The following SUPT3H variants were observed in gnomAD, a reference collection of about 807,000 sequenced individuals.
SUPT3H encodes the protein transcription initiation protein SPT3 homolog.
In SUPT3H, 44 loss-of-function variants were observed where a neutral mutation model predicts 44.3. The observed-to-expected ratio is 0.99, with a 90% CI of 0.78 to 1.28. The LOEUF (loss-of-function observed/expected upper bound fraction) is 1.28, where lower values mean the gene tolerates loss of function less well. Among genes scored for constraint, SUPT3H ranks in the 50% most tolerant of loss-of-function variants. SUPT3H has a pLI of 0.00. For missense variants in SUPT3H, 380 were observed against 387.1 expected, an observed-to-expected ratio of 0.98 and a Z score of 0.15; for synonymous variants, 124 against 125.6, an observed-to-expected ratio of 0.99 and a Z score of 0.09.
intron 2 of SUPT3H, among the ~76,000 whole-genome samples, chr6:45,334,361 C>T: frequency 6.7e-6 from 1 of 149,306 alleles, no homozygotes. Flanking sequence ...TTGTAGGTTC[C>T]CCTAAATTAC....
chr6:44,959,073 A>C (rs12191977), intron 7 of SUPT3H, among the ~76,000 whole-genome samples: 30,441 of 151,802 alleles, frequency 0.2, 3,838 homozygotes, highest in Non-Finnish European at 0.29. Context: ...TATTTTTAGT[A>C]GAGACAGGGT....
chr6:45,210,804 A>G (rs573255977), intron 2 of SUPT3H, among the ~76,000 whole-genome samples: 2 of 152,354 alleles, frequency 1.3e-5, no homozygotes, highest in East Asian at 3.9e-4. Context: ...CAATCAAAAA[A>G]TTCATGAGAC....
chr6:44,963,182 A>G (rs1275748431), intron 6 of SUPT3H, among the ~76,000 whole-genome samples: 3 of 152,086 alleles, frequency 2.0e-5, no homozygotes, highest in Admixed American at 6.6e-5. Context: ...GTATGTAAAC[A>G]TCTTCTTGTG....
At chr6:45,356,291 T>C (rs1370299503) in intron 2 of SUPT3H, among the ~76,000 whole-genome samples, 1 of 152,142 alleles carries the variant, frequency 6.6e-6, no homozygotes, top group African/African-American at 2.4e-5. Context: ...TTTGAATATA[T>C]ATTTTTTATA....
At chr6:45,195,411 C>G (rs992223840) in intron 2 of SUPT3H, among the ~76,000 whole-genome samples, 21 of 152,204 alleles carry the variant, frequency 1.4e-4, no homozygotes, top group African/African-American at 4.6e-4. Context: ...CCTGAATTGT[C>G]TGCTGTCAAG....
chr6:45,275,130 T>G (rs544099719), intron 2 of SUPT3H, among the ~76,000 whole-genome samples: 2 of 152,266 alleles, frequency 1.3e-5, no homozygotes, highest in East Asian at 3.9e-4. Flanking sequence ...TACAGCTTTC[T>G]TTTCTTGCAA....
At chr6:45,177,009 T>G (rs977594982) in intron 2 of SUPT3H, among the ~76,000 whole-genome samples, 1 of 151,574 alleles carries the variant, frequency 6.6e-6, no homozygotes, top group Admixed American at 6.6e-5. Flanking sequence ...AAAAACAGAG[T>G]GCCTCTCCTC....
intron 10 of SUPT3H, among the ~76,000 whole-genome samples, chr6:44,897,722 G>A (rs1213710960): frequency 1.3e-5 from 2 of 152,102 alleles, no homozygotes; most frequent in Non-Finnish European, 1.5e-5. Flanking sequence ...ATACAACAGC[G>A]AGCAAAGGTG....
intron 3 of SUPT3H, among the ~76,000 whole-genome samples, chr6:45,025,385 C>A (rs923462260): frequency 6.6e-6 from 1 of 152,164 alleles, no homozygotes; most frequent in African/African-American, 2.4e-5. Flanking sequence ...ACACGTAGGT[C>A]CAGAACCATT....
intron 3 of SUPT3H, among the ~76,000 whole-genome samples, chr6:45,057,988 A>G (rs866209433): frequency 6.6e-6 from 1 of 152,230 alleles, no homozygotes; most frequent in Admixed American, 6.5e-5. Flanking sequence ...AGTTATACAC[A>G]TGAAACAATG....
chr6:45,062,570 G>A (rs1187833714), intron 3 of SUPT3H, among the ~76,000 whole-genome samples: 2 of 152,346 alleles, frequency 1.3e-5, no homozygotes, highest in East Asian at 1.9e-4. Flanking sequence ...TCACTAGGGA[G>A]TGCCAGACAG....
intron 3 of SUPT3H, among the ~76,000 whole-genome samples, chr6:45,092,750 C>CAAAAAAA (rs71674371): frequency 7.8e-6 from 1 of 127,842 alleles, no homozygotes; most frequent in Admixed American, 7.8e-5. Flanking sequence ...GACTTCGTCT[C>CAAAAAAA]AAAAAAAAAA....
At chr6:45,365,478 GGTGGAAAAAAACTA>G (rs1794977844) in intron 1 of SUPT3H, among the ~76,000 whole-genome samples, 177 bp from the exon 2 acceptor site, 1 of 151,454 alleles carries the variant, frequency 6.6e-6, no homozygotes, top group Admixed American at 6.6e-5. Context: ...GAAATAGCAA[GGTGGAAAAAAACTA>G]GTCAAGTAAG....
chr6:45,303,533 G>A (rs538020516), intron 2 of SUPT3H, among the ~76,000 whole-genome samples: 161 of 152,116 alleles, frequency 1.1e-3, no homozygotes, highest in South Asian at 7.3e-3. Flanking sequence ...ACATCACTAA[G>A]GAAAGTAACT....
chr6:45,180,378 A>G (rs1341904203), intron 2 of SUPT3H, among the ~76,000 whole-genome samples: 3 of 150,336 alleles, frequency 2.0e-5, no homozygotes, highest in African/African-American at 7.4e-5. Context: ...TTTAAAGTTC[A>G]TATGGAACCA....
At chr6:44,960,993 T>C (rs929866924) in intron 7 of SUPT3H, among the ~76,000 whole-genome samples, 2 of 152,208 alleles carry the variant, frequency 1.3e-5, no homozygotes, top group African/African-American at 2.4e-5. Flanking sequence ...CACCATTGTT[T>C]CTATAATCCC....
intron 2 of SUPT3H, among the ~76,000 whole-genome samples, chr6:45,296,412 G>T (rs1781234785): frequency 6.6e-6 from 1 of 152,004 alleles, no homozygotes; most frequent in South Asian, 2.1e-4. Flanking sequence ...GGGGACTCAG[G>T]GGGAAAGGGT....
At chr6:44,904,803 T>C (rs1193065358) in intron 10 of SUPT3H, among the ~76,000 whole-genome samples, 1 of 152,194 alleles carries the variant, frequency 6.6e-6, no homozygotes. Context: ...AACAGCATGG[T>C]ACTGGCACCA....
At chr6:45,017,958 T>C (rs1390322724) in intron 4 of SUPT3H, among the ~76,000 whole-genome samples, 4 of 151,122 alleles carry the variant, frequency 2.6e-5, no homozygotes, top group South Asian at 2.1e-4. Context: ...TTTCACGATA[T>C]TGATTCTTCC....
Sources: gnomAD v4.1 joint callset for allele counts (sites outside exome capture counted in the v4.1 genomes callset) on GRCh38, gnomAD v4.1.1 for gene constraint, MANE v1.5 for transcripts, NCBI Gene and HGNC (gene_info 2026-07-23, HGNC 2026-07-21) for gene names.